The following GSE1 variants were observed in gnomAD, a reference collection of about 807,000 sequenced individuals.
GSE1 encodes genetic suppressor element 1.
GSE1 carries 32 observed loss-of-function variants against 112.6 expected under a neutral mutation model. The ratio of observed to expected loss-of-function variants is 0.28; its 90% CI spans 0.21 to 0.38. The LOEUF is 0.38. GSE1 is among the 10% of genes least tolerant of loss of function. GSE1 has a pLI of 1.00. For missense variants in GSE1, 2,348 were observed against 1,699.2 expected, an observed-to-expected ratio of 1.38 and a Z score of -6.71; for synonymous variants, 1,115 against 735.6, an observed-to-expected ratio of 1.52 and a Z score of -8.35.
chr16:85,594,694 G>T (rs138089733), intron 1 of GSE1: 2 of 152,260 alleles, frequency 1.3e-5, no homozygotes, highest in African/African-American at 4.8e-5. Context: ...TAACACAGGA[G>T]TCATTATTGT....
intron 1 of GSE1, among the ~76,000 whole-genome samples, chr16:85,180,307 C>T (rs979614325): frequency 3.9e-5 from 6 of 152,228 alleles, no homozygotes; most frequent in Non-Finnish European, 8.8e-5. Flanking sequence ...TTCCACTTGG[C>T]GAGAGTGGGC....
In GSE1 at chr16:85,657,531, C is replaced by G. The variant is rs376397981; in HGVS notation, c.1567C>G (p.Leu523Val). 1 of 1,603,056 alleles carries G rather than the reference C, an allele frequency of 6.2e-7. No individual in the cohort carries two copies. The highest frequency in any genetic ancestry group is 8.5e-7 in the Non-Finnish European group (1 of 1,175,126). ...GGTGTCCGAGTTCCGGCAGCAGGTG[C>G]TGGAGCAGCACCTGGATATGGGCCG... ...SQVSEFRQQVLEQHLDMGRPP... is the reference protein window; with the variant it reads ...SQVSEFRQQVVEQHLDMGRPP... The change falls in exon 8 of 16, where the codon CTG (leucine) becomes GTG (valine). Residue 523 changes from leucine to valine, a missense_variant. Coordinates refer to ENST00000253458, the MANE Select transcript of GSE1 (RefSeq NM_014615.5).
intron 2 of GSE1, among the ~76,000 whole-genome samples, chr16:85,640,515 C>T (rs2050353789): frequency 6.6e-6 from 1 of 152,234 alleles, no homozygotes; most frequent in African/African-American, 2.4e-5. Context: ...GCTTTGCAGG[C>T]AAGAGGGGAG....
At chr16:85,172,205 CG>C (rs1372445149) in intron 1 of GSE1, among the ~76,000 whole-genome samples, 3 of 152,172 alleles carry the variant, frequency 2.0e-5, no homozygotes, top group African/African-American at 7.2e-5. Flanking sequence ...GAGAGGTCTC[CG>C]TGCTCACCCG....
At chr16:85,651,009 C>T (rs1020280586) in intron 3 of GSE1, among the ~76,000 whole-genome samples, 6 of 149,898 alleles carry the variant, frequency 4.0e-5, no homozygotes, top group East Asian at 4.0e-4. Flanking sequence ...CTCTAATCAC[C>T]GGAGAATGAC....
intron 2 of GSE1, among the ~76,000 whole-genome samples, chr16:85,452,369 G>A (rs573645848): frequency 3.9e-5 from 6 of 152,126 alleles, no homozygotes; most frequent in East Asian, 1.9e-4. Context: ...TTCCCACTCT[G>A]GCCCCCACCT....
In GSE1 at chr16:85,334,490, G is replaced by A. The variant is rs116657572; in HGVS notation, c.2284-22973G>A. ...TCCTCTCCCGGCATCCCTTCTCTGC[G>A]TTTCCTCTCTCCTGTCTGTCCCCAG... is the stretch of plus-strand genomic sequence containing the variant. On this transcript the variant is annotated intron_variant, in intron 1 of 2. Transcript: ENST00000637419. 2.9e-3 allele frequency among the ~76,000 whole-genome samples: 435 copies of A among 152,316 alleles called. 2 individuals are homozygous for A. Among genetic ancestry groups the A allele is most frequent in the African/African-American group, 0.01 (419 of 41,552 alleles).
chr16:85,270,684 A>T (rs1908742095), intron 1 of GSE1, among the ~76,000 whole-genome samples: 1 of 132,048 alleles, frequency 7.6e-6, no homozygotes, highest in Non-Finnish European at 1.8e-5. Flanking sequence ...CACACACGAG[A>T]GGGAGGAAAA....
chr16:85,408,038 T>A (rs1274908820), intron 2 of GSE1, among the ~76,000 whole-genome samples: 1 of 43,306 alleles, frequency 2.3e-5, no homozygotes, highest in Admixed American at 1.8e-4. Flanking sequence ...AGGGCCCCCC[T>A]GGATAATCCT....
At chr16:85,274,855 A>C (rs1367184406) in intron 1 of GSE1, among the ~76,000 whole-genome samples, 1 of 152,266 alleles carries the variant, frequency 6.6e-6, no homozygotes, top group Non-Finnish European at 1.5e-5. Flanking sequence ...ACCTGCAGAA[A>C]GCTCAGTCCT....
chr16:85,628,303 C>A (rs1402836390), intron 1 of GSE1, among the ~76,000 whole-genome samples: 2 of 152,246 alleles, frequency 1.3e-5, no homozygotes, highest in African/African-American at 4.8e-5. Flanking sequence ...GCTCACAGCT[C>A]CTCAGGAGCC....
intron 1 of GSE1, among the ~76,000 whole-genome samples, chr16:85,187,333 G>A (rs979258855): frequency 6.6e-6 from 1 of 152,260 alleles, no homozygotes; most frequent in Non-Finnish European, 1.5e-5. Context: ...AAGGGACAGA[G>A]CGACGCTGGG....
At chr16:85,642,690 C>T (rs544648540) in intron 2 of GSE1, among the ~76,000 whole-genome samples, 4 of 152,372 alleles carry the variant, frequency 2.6e-5, no homozygotes, top group Admixed American at 1.3e-4. Context: ...GAAGCACGTC[C>T]GGTAGTTACC....
chr16:85,586,964 A>G (rs1327866167), intron 1 of GSE1, among the ~76,000 whole-genome samples: 2 of 152,222 alleles, frequency 1.3e-5, no homozygotes, highest in African/African-American at 2.4e-5. Context: ...TTTTGATTGC[A>G]CTACCATGGT....
chr16:85,176,714 CCCCGAGTGTGG>C (rs553497375), intron 1 of GSE1, among the ~76,000 whole-genome samples: 130 of 152,390 alleles, frequency 8.5e-4, no homozygotes, highest in African/African-American at 3.0e-3. Flanking sequence ...CGGCCAGGCC[CCCCGAGTGTGG>C]CCTCCGAGCC....
At position 85,586,566 on chromosome 16, in the gene GSE1, C is replaced by T. The variant is rs2046704732; in HGVS notation, c.37+30203C>T. Among the ~76,000 whole-genome samples, 2 of 152,348 alleles carry T rather than the reference C, an allele frequency of 1.3e-5. 1 individual carries two copies. The highest frequency in any genetic ancestry group is 6.8e-3 in the Middle Eastern group (2 of 294). On this transcript the variant is annotated intron_variant, in intron 1 of 2. Coordinates refer to the GSE1 transcript ENST00000635906. ...CCGGGAGCCGGGCCACACCAGCTGT[C>T]CCACTGCCAGGCCGCATGGCCAAGA...
intron 2 of GSE1, among the ~76,000 whole-genome samples, chr16:85,525,852 T>TA (rs1462752608): frequency 6.6e-6 from 1 of 152,164 alleles, no homozygotes; most frequent in African/African-American, 2.4e-5. Context: ...GCCTGCCTAG[T>TA]AGAGGGAGCA....
intron 1 of GSE1, among the ~76,000 whole-genome samples, chr16:85,216,434 C>G (rs2075307602): frequency 1.3e-5 from 2 of 152,206 alleles, no homozygotes; most frequent in South Asian, 2.1e-4. Flanking sequence ...ATTACCAGCT[C>G]TCTCTATTAC....
chr16:85,478,611 C>T, intron 2 of GSE1, among the ~76,000 whole-genome samples: 1 of 151,074 alleles, frequency 6.6e-6, no homozygotes, highest in Non-Finnish European at 1.5e-5. Context: ...GCTAGCTCTA[C>T]CATTTGGGTA....
Sources: gnomAD v4.1 joint callset for allele counts (sites outside exome capture counted in the v4.1 genomes callset) on GRCh38, gnomAD v4.1.1 for gene constraint, MANE v1.5 for transcripts, NCBI Gene and HGNC (gene_info 2026-07-23, HGNC 2026-07-21) for gene names.